Variants in KPNA3 observed in about 807,000 individuals in gnomAD.
KPNA3 encodes karyopherin subunit alpha 3.
Under a neutral mutation model 73.8 loss-of-function variants are expected in KPNA3, and 13 were observed. The ratio of observed to expected loss-of-function variants is 0.18; its 90% CI spans 0.11 to 0.28. The LOEUF is 0.28. Ranked by LOEUF, KPNA3 falls within the 10% of genes least tolerant of loss-of-function variation. KPNA3 has a pLI of 1.00. For missense variants in KPNA3, 360 were observed against 618.1 expected, an observed-to-expected ratio of 0.58 and a Z score of 4.43; for synonymous variants, 186 against 206.9, an observed-to-expected ratio of 0.90 and a Z score of 0.87.
At chr13:49,766,511 G>A (rs9535332) in intron 1 of KPNA3, among the ~76,000 whole-genome samples, 45,402 of 151,932 alleles carry the variant, frequency 0.3, 7,042 homozygotes, top group Non-Finnish European at 0.34. Context: ...GTGCTAGTGA[G>A]ACCATCCAAA....
At chr13:49,716,499 C>T (rs571044155) in intron 10 of KPNA3, among the ~76,000 whole-genome samples, 3 of 152,140 alleles carry the variant, frequency 2.0e-5, no homozygotes, top group South Asian at 4.2e-4. Context: ...AGTGCAGTGG[C>T]GTGATCTCGG....
At chr13:49,737,517 T>C (rs569563328) in intron 2 of KPNA3, among the ~76,000 whole-genome samples, 2 of 152,192 alleles carry the variant, frequency 1.3e-5, no homozygotes, top group African/African-American at 4.8e-5. Flanking sequence ...CACATCTTTT[T>C]AAATTAGACT....
intron 15 of KPNA3, among the ~76,000 whole-genome samples, chr13:49,704,176 CTT>C (rs1431258210): frequency 6.6e-6 from 1 of 152,136 alleles, no homozygotes; most frequent in Admixed American, 6.5e-5. Context: ...AATCCCAGCA[CTT>C]TGGGAAGCCG....
intron 2 of KPNA3, among the ~76,000 whole-genome samples, chr13:49,743,781 A>C (rs1271991047): frequency 6.6e-6 from 1 of 152,126 alleles, no homozygotes; most frequent in Non-Finnish European, 1.5e-5. Flanking sequence ...ATTAAACAAG[A>C]GGAGGCTTCT....
intron 1 of KPNA3, among the ~76,000 whole-genome samples, chr13:49,756,867 T>C (rs1295580588): frequency 1.3e-5 from 2 of 152,134 alleles, no homozygotes; most frequent in Non-Finnish European, 2.9e-5. Flanking sequence ...ATATACACAT[T>C]GAAAAGAACA....
At chr13:49,714,923 T>C (rs981681654) in intron 10 of KPNA3, among the ~76,000 whole-genome samples, 1 of 152,012 alleles carries the variant, frequency 6.6e-6, no homozygotes, top group Admixed American at 6.5e-5. Context: ...CATACTACAT[T>C]GAGAAACTAA....
chr13:49,714,746 T>A (rs1318943005), intron 10 of KPNA3, among the ~76,000 whole-genome samples: 1 of 152,090 alleles, frequency 6.6e-6, no homozygotes, highest in Non-Finnish European at 1.5e-5. Context: ...ACATCATGAT[T>A]ATAGCACCAT....
intron 2 of KPNA3, among the ~76,000 whole-genome samples, chr13:49,741,171 C>T (rs1954570406): frequency 6.6e-6 from 1 of 152,046 alleles, no homozygotes; most frequent in African/African-American, 2.4e-5. Flanking sequence ...AGTGGGATTG[C>T]TTGATCACAT....
chr13:49,759,081 AATT>A (rs909810870), intron 1 of KPNA3, among the ~76,000 whole-genome samples: 7 of 152,182 alleles, frequency 4.6e-5, no homozygotes, highest in Non-Finnish European at 1.0e-4. Flanking sequence ...AAGACAATAC[AATT>A]ATTATCAATT....
At chr13:49,703,246 C>T (rs1954167310) in intron 15 of KPNA3, among the ~76,000 whole-genome samples, 1 of 143,102 alleles carries the variant, frequency 7.0e-6, no homozygotes, top group Non-Finnish European at 1.5e-5. Context: ...TGCAGTGGCA[C>T]GTCTCGGCTC....
chr13:49,738,164 G>C (rs1954541729), intron 2 of KPNA3, among the ~76,000 whole-genome samples: 2 of 152,168 alleles, frequency 1.3e-5, no homozygotes, highest in Non-Finnish European at 2.9e-5. Flanking sequence ...CTAAAAATCA[G>C]CTGGAGGTAT....
intron 1 of KPNA3, among the ~76,000 whole-genome samples, chr13:49,788,440 C>A (rs149471152): frequency 6.6e-6 from 1 of 152,258 alleles, no homozygotes; most frequent in African/African-American, 2.4e-5. Flanking sequence ...CATTCCAGGA[C>A]CGGGCATGGT....
At chr13:49,703,888 T>C (rs1954175632) in intron 15 of KPNA3, among the ~76,000 whole-genome samples, 1 of 152,230 alleles carries the variant, frequency 6.6e-6, no homozygotes, top group Non-Finnish European at 1.5e-5. Context: ...AAGTGCTTTA[T>C]ACAATTATAA....
chr13:49,712,553 T>C (rs995880089), intron 10 of KPNA3, among the ~76,000 whole-genome samples: 1 of 148,900 alleles, frequency 6.7e-6, no homozygotes, highest in Non-Finnish European at 1.5e-5. Context: ...ACAATAACAA[T>C]AGATCTAATA....
At chr13:49,709,461 C>T (rs1195824810) in intron 12 of KPNA3, 111 bp downstream of exon 12, 6 of 740,836 alleles carry the variant, frequency 8.1e-6, no homozygotes, top group Non-Finnish European at 1.2e-5. Context: ...TAATTCTCAT[C>T]TTCGCTGCAG....
intron 15 of KPNA3, 89 bp from the exon 16 acceptor site, chr13:49,702,569 T>C (rs1350444409): frequency 1.5e-6 from 1 of 666,294 alleles, no homozygotes; most frequent in Non-Finnish European, 2.5e-6. Flanking sequence ...GGAGAAATCC[T>C]AAGGAACTCA....
intron 1 of KPNA3, among the ~76,000 whole-genome samples, chr13:49,782,876 A>C (rs912488244): frequency 4.6e-5 from 7 of 152,076 alleles, no homozygotes; most frequent in Admixed American, 2.6e-4. Context: ...AAAAAAAAAA[A>C]GCTAAATAAA....
intron 2 of KPNA3, among the ~76,000 whole-genome samples, chr13:49,744,550 T>A (rs972673892): frequency 2.0e-5 from 3 of 152,230 alleles, no homozygotes; most frequent in African/African-American, 7.2e-5. Context: ...GTTAATTTCC[T>A]AATTTTGGAG....
Position 49,701,795 on chromosome 13 carries a change from T to C in KPNA3, c.*5A>G. The C allele has an allele frequency of 6.4e-7, 1 of 1,556,134 alleles. No individual in the cohort carries two copies. On this transcript the variant is annotated 3_prime_UTR_variant, in exon 17 of 17. Coordinates refer to ENST00000261667, the MANE Select transcript of KPNA3 (RefSeq NM_002267.4). ...ATGTGGGAAAGATGCTGCACTCAAC[T>C]GAATTTAAAAATTAAATTCTTTTGT...
Sources: gnomAD v4.1 joint callset for allele counts (sites outside exome capture counted in the v4.1 genomes callset) on GRCh38, gnomAD v4.1.1 for gene constraint, MANE v1.5 for transcripts, NCBI Gene and HGNC (gene_info 2026-07-23, HGNC 2026-07-21) for gene names.